MYF5: variants seen among roughly 807,000 people sequenced by gnomAD.
MYF5 encodes the protein class C basic helix-loop-helix protein 2.
Under a neutral mutation model 22.3 loss-of-function variants are expected in MYF5, and 20 were observed. That is an observed-to-expected ratio of 0.90 (90% CI 0.63 to 1.30). The LOEUF is 1.30. Ranked by LOEUF, MYF5 falls within the 50% of genes most tolerant of loss-of-function variation. MYF5 has a pLI of 0.00. For missense variants in MYF5, 348 were observed against 325.9 expected (o/e 1.07, Z -0.52); for synonymous variants, 141 against 128.4 (o/e 1.10, Z -0.66).
At chr12:80,718,579 C>T (rs1868665284) in intron 2 of MYF5, 146 bp downstream of exon 2, 2 of 757,926 alleles carry the variant, frequency 2.6e-6, no homozygotes, top group Admixed American at 2.2e-5. Context: ...GCAAAATAAA[C>T]ACATCTTCTG....
chr12:80,717,240 C>T lies in MYF5; in HGVS notation c.177C>T (p.Thr59=), dbSNP rs777672884. The T allele has an allele frequency of 2.5e-6, 4 of 1,613,932 alleles. No individual in the cohort carries two copies. The highest frequency in any genetic ancestry group is 2.2e-5 in the East Asian group (1 of 44,882). Reference sequence around the variant, plus strand: ...AGGACGAGCACGTGCGAGCGCCTACCGGCCACCACCAGGCTGGTCACTGCC... The same window carrying T: ...AGGACGAGCACGTGCGAGCGCCTACTGGCCACCACCAGGCTGGTCACTGCC... ...SDEDEHVRAP[T]GHHQAGHCLM... is the part of the protein sequence containing the mutation. Residue 59 remains threonine, a synonymous_variant, in exon 1 of 3, where the codon ACC becomes ACT. Coordinates refer to ENST00000228644, the MANE Select transcript of MYF5 (RefSeq NM_005593.3).
Position 80,717,165 on chromosome 12 carries a change from G to A in MYF5, c.102G>A (p.Pro34=). 6.2e-7 allele frequency: 1 copy of A among 1,613,968 alleles called. No homozygotes were observed. The highest frequency in any genetic ancestry group is 8.5e-7 in the Non-Finnish European group (1 of 1,180,012). ...GTGAATTTGGGGACGAGTTTGTGCC[G>A]CGAGTGGCTGCCTTCGGAGCGCACA... is the stretch of plus-strand genomic sequence containing the variant. ...PEGEFGDEFV[P]RVAAFGAHKA... is the part of the protein sequence containing the mutation. The change falls in exon 1 of 3, where the codon CCG becomes CCA. Residue 34 remains proline, a synonymous_variant. Transcript: ENST00000228644.
chr12:80,717,896 G>C (rs1868646912), intron 1 of MYF5, among the ~76,000 whole-genome samples: 1 of 152,056 alleles, frequency 6.6e-6, no homozygotes, highest in Non-Finnish European at 1.5e-5. Context: ...ATATCTAAAG[G>C]CACCGTTTCT....
chr12:80,716,923 C>G lies in MYF5; in HGVS notation c.-141C>G. On this transcript the variant is annotated 5_prime_UTR_variant, in exon 1 of 3. Coordinates refer to ENST00000228644, the MANE Select transcript of MYF5 (RefSeq NM_005593.3). ...ACCCCAGCTTGTCTACCCAGGCCAA[C>G]AGGCGTCTGCCCTTGTTAATTACCG... is the stretch of plus-strand genomic sequence containing the variant. 9.6e-7 allele frequency: 1 copy of G among 1,037,516 alleles called. No homozygotes were observed. The highest frequency in any genetic ancestry group is 1.4e-6 in the Non-Finnish European group (1 of 731,720). The allele number at this position is 1,037,516 out of a possible 1,614,324, so 64.3% of individuals were successfully genotyped here.
Position 80,717,230 on chromosome 12 carries a change from G to C in MYF5, c.167G>C (p.Arg56Pro), listed in dbSNP as rs768208912. The C allele has an allele frequency of 1.2e-6, 2 of 1,614,016 alleles. No homozygotes were observed. The highest frequency in any genetic ancestry group is 2.2e-5 in the South Asian group (2 of 91,072). ...LQGSDEDEHV[R>P]APTGHHQAGH... is the part of the protein sequence containing the mutation. ...GGCTCAGATGAGGACGAGCACGTGC[G>C]AGCGCCTACCGGCCACCACCAGGCT... Residue 56 changes from arginine (R) to proline (P), a missense_variant, in exon 1 of 3, where the codon CGA (arginine) becomes CCA (proline). By Grantham distance (103) the Arg-to-Pro change is moderately radical (BLOSUM62 -2). Transcript: ENST00000228644.
At position 80,718,447 on chromosome 12, in the gene MYF5, A is replaced by G. The variant is rs780938432; in HGVS notation, c.577+14A>G. The G allele has an allele frequency of 2.5e-6, 4 of 1,592,392 alleles. No individual in the cohort carries two copies. Among genetic ancestry groups the G allele is most frequent in the Non-Finnish European group, 3.4e-6 (4 of 1,160,382 alleles). On this transcript the variant is annotated intron_variant, in intron 2 of 2. Transcript: ENST00000228644. The stretch of plus-strand genomic sequence containing the variant: ...ATGTATCAAATGGTAAGAATTGATA[A>G]CTTCACAGGAGTTTAAAGACCAGTT...
chr12:80,718,361 G>A lies in MYF5; in HGVS notation c.505G>A (p.Glu169Lys), dbSNP rs370171499. ...PTSNCSDGMP[E>K]CNSPVWSRKS... is the part of the protein sequence containing the mutation. ...TGTTGTGTGTCTTGTATTATAGCCC[G>A]AATGTAACAGTCCTGTCTGGTCCAG... Residue 169 changes from glutamate (E) to lysine (K), a missense_variant, in exon 2 of 3, where the codon GAA becomes AAA. Glu to Lys is a moderately conservative substitution (Grantham distance 56). Coordinates refer to ENST00000228644, the MANE Select transcript of MYF5 (RefSeq NM_005593.3). The A allele has an allele frequency of 8.1e-6, 13 of 1,613,668 alleles. No individual in the cohort carries two copies. The African/African-American group carries it at 1.2e-4, about 15-fold the overall frequency.
chr12:80,718,703 A>G (rs562732211), intron 2 of MYF5, among the ~76,000 whole-genome samples, 158 bp from the exon 3 acceptor site: 4 of 152,154 alleles, frequency 2.6e-5, no homozygotes, highest in Non-Finnish European at 5.9e-5. Context: ...CCCCTCAGGA[A>G]TTGCCAGATA....
At position 80,718,945 on chromosome 12, in the gene MYF5, G is replaced by A. The variant is rs1290135524; in HGVS notation, c.662G>A (p.Gly221Glu). ...CGGATCACCTCCTCAGAGCAACCTG[G>A]GTTGCCTCTCCAGGATCTGGCTTCT... ...VDRITSSEQP[G>E]LPLQDLASLS... Residue 221 changes from glycine to glutamate, a missense_variant, in exon 3 of 3, where the codon GGG becomes GAG. Physicochemically the swap from Gly to Glu is moderately conservative, Grantham distance 98. Transcript: ENST00000228644. 1.9e-6 allele frequency: 3 copies of A among 1,613,916 alleles called. No individual in the cohort carries two copies. Among genetic ancestry groups the A allele is most frequent in the Non-Finnish European group, 2.5e-6 (3 of 1,179,988 alleles).
intron 1 of MYF5, among the ~76,000 whole-genome samples, chr12:80,717,951 C>T (rs1388719282): frequency 1.3e-5 from 2 of 152,204 alleles, no homozygotes; most frequent in Non-Finnish European, 2.9e-5. Flanking sequence ...GGCCCCAGTT[C>T]CTGCTCCAAT....
Position 80,717,199 on chromosome 12 carries a change from C to A in MYF5, c.136C>A (p.Leu46Met), listed in dbSNP as rs1394606553. Residue 46 changes from leucine to methionine, a missense_variant, in exon 1 of 3, where the codon CTG becomes ATG. Coordinates refer to ENST00000228644, the MANE Select transcript of MYF5 (RefSeq NM_005593.3). ...VAAFGAHKAELQGSDEDEHVR... is the reference protein window; with the variant it reads ...VAAFGAHKAEMQGSDEDEHVR... ...TGCCTTCGGAGCGCACAAAGCAGAG[C>A]TGCAGGGCTCAGATGAGGACGAGCA... The A allele has an allele frequency of 1.9e-6, 3 of 1,614,068 alleles. No homozygotes were observed. Among genetic ancestry groups the A allele is most frequent in the Non-Finnish European group, 1.7e-6 (2 of 1,180,006 alleles).
rs748386124 is a variant in MYF5 at position 80,717,067 on chromosome 12, G to C, written c.4G>C (p.Asp2His). Residue 2 changes from aspartate (D) to histidine (H), a missense_variant, in exon 1 of 3, where the codon GAC becomes CAC. By Grantham distance (81) the Asp-to-His change is moderately conservative (BLOSUM62 -1). Coordinates refer to ENST00000228644, the MANE Select transcript of MYF5 (RefSeq NM_005593.3). The part of the protein sequence containing the change: M[D>H]VMDGCQFSPS... ...GCACCGCCTGCCTCTCAGCAGGATGGACGTGATGGATGGCTGCCAGTTCTC... is the reference window on the plus strand; with the variant it reads ...GCACCGCCTGCCTCTCAGCAGGATGCACGTGATGGATGGCTGCCAGTTCTC... The C allele has an allele frequency of 6.2e-7, 1 of 1,600,582 alleles. No individual in the cohort carries two copies. Among genetic ancestry groups the C allele is most frequent in the East Asian group, 2.2e-5 (1 of 44,714 alleles).
chr12:80,716,977 G>T lies in MYF5; in HGVS notation c.-87G>T, dbSNP rs957990978. The T allele has an allele frequency of 1.3e-6, 2 of 1,502,920 alleles. No individual in the cohort carries two copies. Among genetic ancestry groups the T allele is most frequent in the Non-Finnish European group, 1.8e-6 (2 of 1,120,564 alleles). The allele number at this position is 1,502,920 out of a possible 1,614,324, so 93.1% of individuals were successfully genotyped here. ...CGACAGACTAGGGAGCTCCGCCCGG[G>T]ATTTGCCCATCGGCGGAGGCGCCAG... On this transcript the variant is annotated 5_prime_UTR_variant, in exon 1 of 3. Coordinates refer to ENST00000228644, the MANE Select transcript of MYF5 (RefSeq NM_005593.3).
chr12:80,716,991 C>A lies in MYF5; in HGVS notation c.-73C>A. 2 of 1,525,818 alleles carry A rather than the reference C, an allele frequency of 1.3e-6. No individual in the cohort carries two copies. The highest frequency in any genetic ancestry group is 1.9e-5 in the Admixed American group (1 of 53,754). 94.5% of individuals were successfully genotyped at this position (1,525,818 alleles called of 1,614,324 possible). On this transcript the variant is annotated 5_prime_UTR_variant, in exon 1 of 3. Transcript: ENST00000228644. ...GCTCCGCCCGGGATTTGCCCATCGGCGGAGGCGCCAGGCTCCCGTTTCTCC... is the reference window on the plus strand; with the variant it reads ...GCTCCGCCCGGGATTTGCCCATCGGAGGAGGCGCCAGGCTCCCGTTTCTCC...
rs73355189 is a variant in MYF5, at chr12:80,717,965, G to T, written c.502-393G>T. On this transcript the variant is annotated intron_variant, in intron 1 of 2. Transcript: ENST00000228644. ...CGGCCCCAGTTCCTGCTCCAATGAGGCCTGGCTGAAAGATGTTGATGCATT... is the reference window on the plus strand; with the variant it reads ...CGGCCCCAGTTCCTGCTCCAATGAGTCCTGGCTGAAAGATGTTGATGCATT... Among the ~76,000 whole-genome samples the T allele has an allele frequency of 7.3e-3, 1,106 of 152,306 alleles. 13 individuals are homozygous for T. The highest frequency in any genetic ancestry group is 0.025 in the African/African-American group (1,027 of 41,562).
At position 80,717,056 on chromosome 12, in the gene MYF5, T is replaced by C. The variant is rs1322500869; in HGVS notation, c.-8T>C. ...GCCGTCCAGGTGCACCGCCTGCCTC[T>C]CAGCAGGATGGACGTGATGGATGGC... On this transcript the variant is annotated 5_prime_UTR_variant, in exon 1 of 3. Coordinates refer to ENST00000228644, the MANE Select transcript of MYF5 (RefSeq NM_005593.3). 3.8e-6 allele frequency: 6 copies of C among 1,588,554 alleles called. No homozygotes were observed. Among genetic ancestry groups the C allele is most frequent in the East Asian group, 2.3e-5 (1 of 44,392 alleles).
chr12:80,718,442 T>A lies in MYF5; in HGVS notation c.577+9T>A. 6.2e-7 allele frequency: 1 copy of A among 1,605,024 alleles called. No individual in the cohort carries two copies. Among genetic ancestry groups the A allele is most frequent in the Non-Finnish European group, 8.5e-7 (1 of 1,171,756 alleles). On this transcript the variant is annotated intron_variant, in intron 2 of 2. Coordinates refer to ENST00000228644, the MANE Select transcript of MYF5 (RefSeq NM_005593.3). ...TCCTGATGTATCAAATGGTAAGAATTGATAACTTCACAGGAGTTTAAAGAC... is the reference window on the plus strand; with the variant it reads ...TCCTGATGTATCAAATGGTAAGAATAGATAACTTCACAGGAGTTTAAAGAC...
rs1387649309 is a variant in MYF5, at chr12:80,717,049, C to T, written c.-15C>T. 2 of 1,582,488 alleles carry T rather than the reference C, an allele frequency of 1.3e-6. No individual in the cohort carries two copies. Among genetic ancestry groups the T allele is most frequent in the Non-Finnish European group, 8.6e-7 (1 of 1,164,692 alleles). Reference sequence around the variant, plus strand: ...TCTCGCTGCCGTCCAGGTGCACCGCCTGCCTCTCAGCAGGATGGACGTGAT... The same window carrying T: ...TCTCGCTGCCGTCCAGGTGCACCGCTTGCCTCTCAGCAGGATGGACGTGAT... On this transcript the variant is annotated 5_prime_UTR_variant, in exon 1 of 3. Transcript: ENST00000228644.
intron 2 of MYF5, 152 bp from the exon 3 acceptor site, chr12:80,718,709 A>G: frequency 1.4e-6 from 1 of 699,006 alleles, no homozygotes. Flanking sequence ...AGGAATTGCC[A>G]GATATTTGTT....
Sources: gnomAD v4.1 joint callset for allele counts (sites outside exome capture counted in the v4.1 genomes callset) on GRCh38, gnomAD v4.1.1 for gene constraint, MANE v1.5 for transcripts, NCBI Gene and HGNC (gene_info 2026-07-23, HGNC 2026-07-21) for gene names.